The following FGF10 variants were observed in gnomAD, a reference collection of about 807,000 sequenced individuals.
FGF10 encodes the protein fibroblast growth factor 10, also known as FGF-10.
FGF10 carries 2 observed loss-of-function variants against 19.8 expected under a neutral mutation model. That is an observed-to-expected ratio of 0.10 (90% CI 0.04 to 0.32). FGF10 has a LOEUF of 0.32. Among genes scored for constraint, FGF10 ranks in the 10% least tolerant of loss-of-function variants. FGF10 has a pLI of 1.00. For synonymous variants in FGF10, 112 were observed against 94.0 expected (o/e 1.19, Z -1.10); for missense variants, 191 against 246.3 (o/e 0.78, Z 1.50).
At chr5:44,373,303 C>T (rs758129440) in intron 1 of FGF10, among the ~76,000 whole-genome samples, 7 of 152,152 alleles carry the variant, frequency 4.6e-5, no homozygotes, top group Non-Finnish European at 8.8e-5. Flanking sequence ...GTACCCTTAG[C>T]CTTCTCTTCA....
At chr5:44,354,402 A>AT (rs1454038818) in intron 1 of FGF10, among the ~76,000 whole-genome samples, 1 of 151,496 alleles carries the variant, frequency 6.6e-6, no homozygotes, top group Admixed American at 6.6e-5. Context: ...TATTATAGTT[A>AT]ATACTCTGTT....
In FGF10 at chr5:44,304,794, A is replaced by G. The variant is rs1740037406; in HGVS notation, c.*201T>C. On this transcript the variant is annotated 3_prime_UTR_variant, in exon 3 of 3. Coordinates refer to ENST00000264664, the MANE Select transcript of FGF10 (RefSeq NM_004465.2). ...CATTCGATCTGCCTATATCTTGATT[A>G]TAAGACATGACACAGAACTAATTAA... 2 of 587,488 alleles carry G rather than the reference A, an allele frequency of 3.4e-6. No homozygotes were observed. The highest frequency in any genetic ancestry group is 3.0e-6 in the Non-Finnish European group (1 of 328,730). The allele number at this position is 587,488 out of a possible 1,614,324, so 36.4% of individuals were successfully genotyped here.
In FGF10 at chr5:44,304,674, T is replaced by A. The variant is rs891759790; in HGVS notation, c.*321A>T. ...TCTTTCAACAGATTGTTCTATGTCC[T>A]TTAAGTTCTATCTCAGAGGTTTAAA... On this transcript the variant is annotated 3_prime_UTR_variant, in exon 3 of 3. Coordinates refer to ENST00000264664, the MANE Select transcript of FGF10 (RefSeq NM_004465.2). 1 of 341,502 alleles carries A rather than the reference T, an allele frequency of 2.9e-6. No homozygotes were observed. The highest frequency in any genetic ancestry group is 5.5e-6 in the Non-Finnish European group (1 of 180,282). 21.2% of individuals were successfully genotyped at this position (341,502 alleles called of 1,614,324 possible).
chr5:44,365,430 C>T (rs1371542862), intron 1 of FGF10, among the ~76,000 whole-genome samples: 2 of 151,190 alleles, frequency 1.3e-5, no homozygotes, highest in African/African-American at 4.9e-5. Flanking sequence ...TGCTGTAATG[C>T]TATTTAAAAA....
At chr5:44,312,525 A>G (rs1740237452) in intron 1 of FGF10, among the ~76,000 whole-genome samples, 1 of 152,108 alleles carries the variant, frequency 6.6e-6, no homozygotes, top group East Asian at 1.9e-4. Flanking sequence ...TCATCAAGAT[A>G]ATTTTCTTTA....
rs1289109919 is a variant in FGF10, at chr5:44,304,811, A to G, written c.*184T>C. The G allele has an allele frequency of 1.6e-6, 1 of 623,066 alleles. No homozygotes were observed. The highest frequency in any genetic ancestry group is 2.6e-5 in the Admixed American group (1 of 38,098). 38.6% of individuals were successfully genotyped at this position (623,066 alleles called of 1,614,324 possible). A position where few individuals can be genotyped will look rare whatever the true frequency, so the allele number is the denominator to read the frequency against. Reference sequence around the variant, plus strand: ...TCTTGATTATAAGACATGACACAGAACTAATTAAAAGAACATCATATGTCA... The same window carrying G: ...TCTTGATTATAAGACATGACACAGAGCTAATTAAAAGAACATCATATGTCA... On this transcript the variant is annotated 3_prime_UTR_variant, in exon 3 of 3. Coordinates refer to ENST00000264664, the MANE Select transcript of FGF10 (RefSeq NM_004465.2).
intron 2 of FGF10, 129 bp from the exon 3 acceptor site, chr5:44,305,321 T>C: frequency 1.3e-6 from 1 of 756,984 alleles, no homozygotes; most frequent in South Asian, 1.5e-5. Flanking sequence ...AGTTGTGCAC[T>C]TAATACATAA....
intron 1 of FGF10, among the ~76,000 whole-genome samples, chr5:44,373,049 C>T (rs1325824721): frequency 2.0e-5 from 3 of 152,184 alleles, no homozygotes; most frequent in Non-Finnish European, 4.4e-5. Flanking sequence ...GTCTGACAGC[C>T]TTCCTTCAAC....
Position 44,300,247 on chromosome 5 carries a change from T to TTCAGG in FGF10, c.*4747_*4748insCCTGA, listed in dbSNP as rs1739941747. On this transcript the variant is annotated 3_prime_UTR_variant, in exon 3 of 3. Transcript: ENST00000264664. ...TGAATGTAGTAAAAGACAAAGCAGG[T>TTCAGG]TTTTTTCTGTTTTTTTTTTATTTTA... Among the ~76,000 whole-genome samples the TTCAGG allele has an allele frequency of 1.5e-5, 1 of 68,342 alleles. No homozygotes were observed. The highest frequency in any genetic ancestry group is 2.3e-4 in the Admixed American group (1 of 4,400). The allele number at this position is 68,342 out of a possible 152,430, so 44.8% of individuals were successfully genotyped here.
At chr5:44,308,344 A>G (rs958083893) in intron 2 of FGF10, among the ~76,000 whole-genome samples, 15 of 152,212 alleles carry the variant, frequency 9.9e-5, no homozygotes, top group African/African-American at 3.4e-4. Context: ...AGTATATTTT[A>G]TCAATTAAAA....
At chr5:44,330,354 T>C (rs554949660) in intron 1 of FGF10, among the ~76,000 whole-genome samples, 1 of 152,192 alleles carries the variant, frequency 6.6e-6, no homozygotes, top group East Asian at 1.9e-4. Context: ...TAAGTAAGTA[T>C]AACAGGGATA....
At position 44,357,204 on chromosome 5, in the gene FGF10, CTT is replaced by C. The variant is rs1741368936; in HGVS notation, c.325+31152_325+31153del. Among the ~76,000 whole-genome samples, 5 of 151,266 alleles carry C rather than the reference CTT, an allele frequency of 3.3e-5. No homozygotes were observed. In the South Asian group the frequency reaches 1.0e-3, roughly 31 times the overall value. Reference sequence around the variant, plus strand: ...CAACAAAACCCTAAAGTTGGAAAAACTTAATGTTAGACCAGAAAGGGGCCATA... The same window carrying C: ...CAACAAAACCCTAAAGTTGGAAAAACAATGTTAGACCAGAAAGGGGCCATA... On this transcript the variant is annotated intron_variant, in intron 1 of 2. Transcript: ENST00000264664.
At chr5:44,359,466 G>A (rs1741425438) in intron 1 of FGF10, among the ~76,000 whole-genome samples, 1 of 151,432 alleles carries the variant, frequency 6.6e-6, no homozygotes, top group Non-Finnish European at 1.5e-5. Flanking sequence ...GAAGGAAAAT[G>A]TGAATTAGAT....
chr5:44,369,463 T>C (rs895969276), intron 1 of FGF10, among the ~76,000 whole-genome samples: 5 of 152,128 alleles, frequency 3.3e-5, no homozygotes. Flanking sequence ...CATAAATTCC[T>C]GTGGCTTAAA....
intron 1 of FGF10, among the ~76,000 whole-genome samples, chr5:44,366,598 T>C (rs1440614645): frequency 1.3e-5 from 2 of 152,018 alleles, no homozygotes; most frequent in East Asian, 1.9e-4. Context: ...AAGGGCCTGC[T>C]GTGGGATTCT....
chr5:44,376,957 C>T (rs1436864833), intron 1 of FGF10, among the ~76,000 whole-genome samples: 2 of 152,072 alleles, frequency 1.3e-5, no homozygotes, highest in East Asian at 3.9e-4. Context: ...AGTTTAGATC[C>T]GCAAATGTAA....
intron 1 of FGF10, among the ~76,000 whole-genome samples, chr5:44,374,821 G>A (rs1404680409): frequency 2.6e-5 from 4 of 152,100 alleles, no homozygotes; most frequent in Non-Finnish European, 5.9e-5. Flanking sequence ...CCCACTGAAT[G>A]TTATCAGTAG....
At position 44,303,291 on chromosome 5, in the gene FGF10, T is replaced by C. The variant is rs1740002013; in HGVS notation, c.*1704A>G. Among the ~76,000 whole-genome samples, 1 of 152,180 alleles carries C rather than the reference T, an allele frequency of 6.6e-6. No homozygotes were observed. The highest frequency in any genetic ancestry group is 2.4e-5 in the African/African-American group (1 of 41,454). ...ATTAACTGGAAGTGCTGGTTAAGTA[T>C]TGACACAAATAAGTTTGTTGGAGAA... On this transcript the variant is annotated 3_prime_UTR_variant, in exon 3 of 3. Coordinates refer to ENST00000264664, the MANE Select transcript of FGF10 (RefSeq NM_004465.2).
chr5:44,344,128 C>T (rs1741030434), intron 1 of FGF10, among the ~76,000 whole-genome samples: 1 of 151,836 alleles, frequency 6.6e-6, no homozygotes, highest in Non-Finnish European at 1.5e-5. Flanking sequence ...GGCCAGAGAT[C>T]TGGTCAGAGT....
Sources: allele counts gnomAD v4.1 joint callset (sites outside exome capture counted in the v4.1 genomes callset), GRCh38; gene constraint gnomAD v4.1.1; transcripts MANE v1.5; gene names NCBI Gene and HGNC (gene_info 2026-07-23, HGNC 2026-07-21).